LRRK1: variants seen among roughly 807,000 people sequenced by gnomAD.
LRRK1 encodes leucine rich repeat kinase 1, also known as leucine-rich repeat serine/threonine-protein kinase 1.
A neutral mutation model predicts 209.1 loss-of-function variants in LRRK1; 113 were observed. The observed-to-expected ratio is 0.54, with a 90% CI of 0.46 to 0.63. The LOEUF (loss-of-function observed/expected upper bound fraction) is 0.63. Ranked by LOEUF, LRRK1 falls within the 30% of genes least tolerant of loss-of-function variation. The pLI, the probability that LRRK1 is intolerant of heterozygous loss-of-function variation, is 0.00. For synonymous variants in LRRK1, 1,144 were observed against 1,099.7 expected, an observed-to-expected ratio of 1.04 and a Z score of -0.80; for missense variants, 2,284 against 2,632.2, an observed-to-expected ratio of 0.87 and a Z score of 2.89.
At chr15:100,946,645 A>G (rs1358228367) in intron 2 of LRRK1, among the ~76,000 whole-genome samples, 8 of 152,234 alleles carry the variant, frequency 5.3e-5, no homozygotes. Context: ...GCGATTCCTA[A>G]TATGTGCTGT....
At chr15:100,989,430 A>C (rs976374856) in intron 6 of LRRK1, 32 bp downstream of exon 6, 1 of 1,611,188 alleles carries the variant, frequency 6.2e-7, no homozygotes, top group African/African-American at 1.3e-5. Context: ...AGTGTGTTTT[A>C]GTTCCTTTTG....
intron 2 of LRRK1, among the ~76,000 whole-genome samples, chr15:100,970,711 C>T (rs565938471): frequency 1.4e-4 from 22 of 152,228 alleles, no homozygotes; most frequent in East Asian, 7.7e-4. Context: ...ATTTCTATCC[C>T]GCAAAAATGA....
In LRRK1 at chr15:101,069,767, G is replaced by A. The variant is rs149965922; in HGVS notation, c.*919G>A. 1 of 152,650 alleles carries A rather than the reference G, an allele frequency of 6.6e-6. No individual in the cohort carries two copies. The highest frequency in any genetic ancestry group is 1.5e-5 in the Non-Finnish European group (1 of 68,044). 9.5% of individuals were successfully genotyped at this position (152,650 alleles called of 1,614,324 possible). A position where few individuals can be genotyped will look rare whatever the true frequency, so the allele number is the denominator to read the frequency against. On this transcript the variant is annotated 3_prime_UTR_variant, in exon 34 of 34. Coordinates refer to ENST00000388948, the MANE Select transcript of LRRK1 (RefSeq NM_024652.6). Reference sequence around the variant, plus strand: ...TTGTATGGGATTTATACCAAATTATGTATTTGCTAAACATTCACTGCACAC... The same window carrying A: ...TTGTATGGGATTTATACCAAATTATATATTTGCTAAACATTCACTGCACAC...
In LRRK1 at chr15:101,021,873, G is replaced by A; in HGVS notation, c.1768G>A (p.Glu590Lys). 2 of 1,614,008 alleles carry A rather than the reference G, an allele frequency of 1.2e-6. No individual in the cohort carries two copies. Among genetic ancestry groups the A allele is most frequent in the Non-Finnish European group, 1.7e-6 (2 of 1,179,978 alleles). Residue 590 changes from glutamate to lysine, a missense_variant, in exon 14 of 34, where the codon GAG becomes AAG. Physicochemically the swap from Glu to Lys is moderately conservative, Grantham distance 56. This residue lies in a region of LRRK1 where 494 missense variants were observed against 522.1 expected (regional missense o/e 0.95). Transcript: ENST00000388948. The part of the protein sequence containing the change: ...NNPGLRELPP[E>K]LGQLGNLWQL... ...CCCTGGCCTCCGGGAGCTCCCTCCT[G>A]AGCTGGGGCAGCTGGGCAACCTCTG... is the stretch of plus-strand genomic sequence containing the variant.
At chr15:100,928,679 G>A (rs2042156399) in intron 2 of LRRK1, among the ~76,000 whole-genome samples, 1 of 152,034 alleles carries the variant, frequency 6.6e-6, no homozygotes, top group South Asian at 2.1e-4. Flanking sequence ...GGGTGTTGGG[G>A]TAATGGTATT....
At chr15:101,067,985 T>C (rs1360189703) in intron 33 of LRRK1, among the ~76,000 whole-genome samples, 1 of 152,170 alleles carries the variant, frequency 6.6e-6, no homozygotes, top group African/African-American at 2.4e-5. Context: ...GAGAGGTCCC[T>C]GGACATCCCA....
chr15:100,981,801 G>A (rs2031616492), intron 3 of LRRK1, among the ~76,000 whole-genome samples: 1 of 152,232 alleles, frequency 6.6e-6, no homozygotes, highest in African/African-American at 2.4e-5. Context: ...CCTGGTGAGA[G>A]CTTTGATAAA....
At chr15:101,057,771 A>T (rs2035895160) in intron 28 of LRRK1, among the ~76,000 whole-genome samples, 1 of 152,206 alleles carries the variant, frequency 6.6e-6, no homozygotes, top group Non-Finnish European at 1.5e-5. Flanking sequence ...AGCTAACCTG[A>T]CCAGATGAGC....
At chr15:100,995,635 T>C (rs2032371268) in intron 6 of LRRK1, among the ~76,000 whole-genome samples, 1 of 152,160 alleles carries the variant, frequency 6.6e-6, no homozygotes, top group Admixed American at 6.5e-5. Context: ...AATAGCTTAA[T>C]GCTTTGATGT....
chr15:101,021,606 G>T, intron 13 of LRRK1: 2 of 538,596 alleles, frequency 3.7e-6, no homozygotes, highest in Non-Finnish European at 6.5e-6. Flanking sequence ...AGACAGGAAA[G>T]TTGGGGGAGG....
At chr15:100,949,366 A>T (rs2042602144) in intron 2 of LRRK1, among the ~76,000 whole-genome samples, 1 of 152,216 alleles carries the variant, frequency 6.6e-6, no homozygotes, top group South Asian at 2.1e-4. Flanking sequence ...AAGTAGAGAG[A>T]CTGAATTAGT....
intron 2 of LRRK1, among the ~76,000 whole-genome samples, chr15:100,968,786 T>TCCTTCCCCTTCCCCTTCC (rs527686938): frequency 2.1e-5 from 3 of 143,690 alleles, no homozygotes; most frequent in Admixed American, 7.0e-5. Flanking sequence ...CCTTCCCCTT[T>TCCTTCCCCTTCCCCTTCC]CCTTCCCCTT....
At chr15:100,924,777 C>T (rs371878792) in intron 2 of LRRK1, 48 bp downstream of exon 2, 2 of 1,421,660 alleles carry the variant, frequency 1.4e-6, no homozygotes, top group East Asian at 2.3e-5. Context: ...ACCTGCCATG[C>T]TCATCCTGCA....
intron 23 of LRRK1, 24 bp downstream of exon 23, chr15:101,049,807 G>T: frequency 1.9e-6 from 3 of 1,604,130 alleles, no homozygotes; most frequent in Non-Finnish European, 1.7e-6. Flanking sequence ...CTAGAAGCAA[G>T]CCCTCATTCA....
At position 101,073,939 on chromosome 15, in the gene LRRK1, A is replaced by G. The variant is rs1390050887; in HGVS notation, c.*5091A>G. 6.6e-6 allele frequency: 1 copy of G among 152,090 alleles called. No homozygotes were observed. Among genetic ancestry groups the G allele is most frequent in the Non-Finnish European group, 1.5e-5 (1 of 68,014 alleles). 9.4% of individuals were successfully genotyped at this position (152,090 alleles called of 1,614,324 possible). On this transcript the variant is annotated 3_prime_UTR_variant, in exon 34 of 34. Coordinates refer to ENST00000388948, the MANE Select transcript of LRRK1 (RefSeq NM_024652.6). ...GCCGCTTGACCCCAATACAAACTCA[A>G]CAGTAGTTCCAAATAGCCGGAAAAC...
intron 2 of LRRK1, among the ~76,000 whole-genome samples, chr15:100,961,407 C>A (rs569695618): frequency 6.6e-6 from 1 of 152,254 alleles, no homozygotes; most frequent in Admixed American, 6.5e-5. Flanking sequence ...GTAATCCCAG[C>A]ACTTTGGGAG....
chr15:101,035,709 T>C (rs2034469479), intron 20 of LRRK1, among the ~76,000 whole-genome samples: 1 of 152,144 alleles, frequency 6.6e-6, no homozygotes, highest in African/African-American at 2.4e-5. Flanking sequence ...TTTCTGGTTG[T>C]TTTTATATAT....
intron 20 of LRRK1, among the ~76,000 whole-genome samples, chr15:101,040,368 T>A (rs956684814): frequency 9.9e-5 from 15 of 152,272 alleles, no homozygotes; most frequent in African/African-American, 3.4e-4. Flanking sequence ...TGTGTAGTGA[T>A]ATGCTCTCTC....
At chr15:100,940,677 G>T (rs998314014) in intron 2 of LRRK1, among the ~76,000 whole-genome samples, 1 of 152,146 alleles carries the variant, frequency 6.6e-6, no homozygotes, top group Admixed American at 6.5e-5. Flanking sequence ...ATTCATTCTC[G>T]CTCTGCTAAC....
Sources: allele counts gnomAD v4.1 joint callset (sites outside exome capture counted in the v4.1 genomes callset), GRCh38; gene constraint gnomAD v4.1.1; regional missense constraint gnomAD v4.1.1; transcripts MANE v1.5; gene names NCBI Gene and HGNC (gene_info 2026-07-23, HGNC 2026-07-21).